The following PTPRN2 variants were observed in gnomAD, a reference collection of about 807,000 sequenced individuals.
PTPRN2 encodes the protein protein tyrosine phosphatase receptor type N2.
PTPRN2 carries 74 observed loss-of-function variants against 118.8 expected under a neutral mutation model. That is an observed-to-expected ratio of 0.62 (90% CI 0.52 to 0.76). The LOEUF (loss-of-function observed/expected upper bound fraction) is 0.76, where lower values mean the gene tolerates loss of function less well. Among genes scored for constraint, PTPRN2 ranks in the 30% least tolerant of loss-of-function variants. The probability of loss-of-function intolerance (pLI) is 0.00; values close to 1 mark genes in which losing one functional copy is unlikely to be tolerated. For synonymous variants in PTPRN2, 641 were observed against 608.0 expected (o/e 1.05, Z -0.80); for missense variants, 1,481 against 1,394.4 (o/e 1.06, Z -0.99).
chr7:158,325,613 T>C (rs1392505659), intron 2 of PTPRN2, among the ~76,000 whole-genome samples: 3 of 152,194 alleles, frequency 2.0e-5, no homozygotes, highest in Non-Finnish European at 4.4e-5. Context: ...GTTCTTGAAT[T>C]GTGAGCAAGA....
intron 21 of PTPRN2, among the ~76,000 whole-genome samples, chr7:157,554,734 T>G (rs1798795740): frequency 6.6e-6 from 1 of 152,062 alleles, no homozygotes; most frequent in South Asian, 2.1e-4. Context: ...AAAATCCAGA[T>G]GGAAGGAAAG....
intron 12 of PTPRN2, among the ~76,000 whole-genome samples, chr7:157,748,121 G>A (rs1444782001): frequency 1.3e-5 from 2 of 148,828 alleles, no homozygotes; most frequent in South Asian, 2.2e-4. Flanking sequence ...TCCCTGAGCT[G>A]TCTGGTGTCT....
At chr7:157,682,331 C>T (rs552520068) in intron 13 of PTPRN2, among the ~76,000 whole-genome samples, 134 of 152,272 alleles carry the variant, frequency 8.8e-4, no homozygotes, top group African/African-American at 3.0e-3. Context: ...CAGAAGACCC[C>T]GAGGAAGCCG....
chr7:158,121,247 C>T (rs926502081), intron 9 of PTPRN2, among the ~76,000 whole-genome samples: 4 of 152,150 alleles, frequency 2.6e-5, no homozygotes, highest in African/African-American at 7.2e-5. Flanking sequence ...AGGGCAGGTG[C>T]AGAAGGGCAG....
At chr7:157,636,740 C>T (rs1190685974) in intron 14 of PTPRN2, among the ~76,000 whole-genome samples, 1 of 152,164 alleles carries the variant, frequency 6.6e-6, no homozygotes, top group Non-Finnish European at 1.5e-5. Flanking sequence ...GGAGAAATGG[C>T]GTGGAAGATG....
chr7:158,383,829 C>T (rs1019849490), intron 2 of PTPRN2, among the ~76,000 whole-genome samples: 3 of 152,184 alleles, frequency 2.0e-5, no homozygotes, highest in Admixed American at 1.3e-4. Context: ...CAACTACGGC[C>T]AGTTTGTGAT....
chr7:157,876,327 C>T lies in PTPRN2; in HGVS notation c.1788+22346G>A, dbSNP rs150422725. Among the ~76,000 whole-genome samples, 643 of 152,268 alleles carry T rather than the reference C, an allele frequency of 4.2e-3. 10 individuals carry two copies. The highest frequency in any genetic ancestry group is 0.013 in the African/African-American group (551 of 41,546). ...ATCCTGGGGGCCACTCTTCTGGAAG[C>T]GAATTCCCAGCATGGAGAAGCCTGA... On this transcript the variant is annotated intron_variant, in intron 12 of 22. Coordinates refer to ENST00000389418, the MANE Select transcript of PTPRN2 (RefSeq NM_002847.5).
At chr7:158,429,276 G>A (rs1226499932) in intron 2 of PTPRN2, among the ~76,000 whole-genome samples, 2 of 152,188 alleles carry the variant, frequency 1.3e-5, no homozygotes, top group Non-Finnish European at 2.9e-5. Context: ...CACATCTCCA[G>A]GGAAGAACAC....
At chr7:157,828,874 A>T (rs1585570578) in intron 12 of PTPRN2, among the ~76,000 whole-genome samples, 2 of 152,142 alleles carry the variant, frequency 1.3e-5, no homozygotes, top group Non-Finnish European at 2.9e-5. Flanking sequence ...TATAAAAGTG[A>T]CCTCCAAGGG....
intron 12 of PTPRN2, among the ~76,000 whole-genome samples, chr7:157,769,352 C>T (rs1393166541): frequency 1.3e-5 from 2 of 152,188 alleles, no homozygotes; most frequent in Non-Finnish European, 2.9e-5. Flanking sequence ...GCAACCAGCT[C>T]GCCCTGCTGG....
At chr7:157,725,673 AGC>A (rs1799539380) in intron 12 of PTPRN2, among the ~76,000 whole-genome samples, 1 of 104,970 alleles carries the variant, frequency 9.5e-6, no homozygotes, top group African/African-American at 4.4e-5. Flanking sequence ...CAGAGGAGTG[AGC>A]CAGACCCTCG....
chr7:157,540,874 C>T lies in PTPRN2; in HGVS notation c.2977-89G>A, dbSNP rs769034829. 32 of 1,089,868 alleles carry T rather than the reference C, an allele frequency of 2.9e-5. No homozygotes were observed. The African/African-American group carries it at 3.0e-4, about 10-fold the overall frequency. The allele number at this position is 1,089,868 out of a possible 1,614,324, so 67.5% of individuals were successfully genotyped here. On this transcript the variant is annotated intron_variant, in intron 22 of 22. Transcript: ENST00000389418. ...GTCGGCTCCCTGCAGATGAAAGCGG[C>T]GTCCCCCCTTCCCAACGCAGCATCA...
chr7:158,173,108 C>T (rs1563558138), intron 5 of PTPRN2, among the ~76,000 whole-genome samples: 1 of 151,600 alleles, frequency 6.6e-6, no homozygotes, highest in Non-Finnish European at 1.5e-5. Context: ...CCCATCACCA[C>T]CAACACCACC....
At chr7:158,331,224 G>A (rs1380331224) in intron 2 of PTPRN2, among the ~76,000 whole-genome samples, 14 of 150,008 alleles carry the variant, frequency 9.3e-5, no homozygotes, top group African/African-American at 3.5e-4. Context: ...CACCATAAGA[G>A]CTGACGCCCG....
rs138437081 is a variant in PTPRN2 at position 158,443,926 on chromosome 7, G to A, written c.163+45809C>T. Among the ~76,000 whole-genome samples, 113 of 152,314 alleles carry A rather than the reference G, an allele frequency of 7.4e-4. 1 individual carries two copies. Among genetic ancestry groups the A allele is most frequent in the Admixed American group, 5.2e-3 (80 of 15,302 alleles). ...TGGCACCCTACCCCGAGTCCTGGGTGTCTGGGCTCACACCCATCTCTGGCC... is the reference window on the plus strand; with the variant it reads ...TGGCACCCTACCCCGAGTCCTGGGTATCTGGGCTCACACCCATCTCTGGCC... On this transcript the variant is annotated intron_variant, in intron 2 of 22. Coordinates refer to ENST00000389418, the MANE Select transcript of PTPRN2 (RefSeq NM_002847.5).
At chr7:157,949,224 A>G (rs1340549941) in intron 11 of PTPRN2, among the ~76,000 whole-genome samples, 1 of 152,228 alleles carries the variant, frequency 6.6e-6, no homozygotes, top group Non-Finnish European at 1.5e-5. Context: ...GTTGAAAGTA[A>G]AATGATGCAT....
chr7:158,333,306 C>A (rs372955493), intron 2 of PTPRN2, among the ~76,000 whole-genome samples: 1 of 112,130 alleles, frequency 8.9e-6, no homozygotes, highest in African/African-American at 3.3e-5. Context: ...GTGACATCTG[C>A]AGACGTCACT....
intron 6 of PTPRN2, among the ~76,000 whole-genome samples, chr7:158,151,390 G>A (rs796836642): frequency 2.2e-4 from 21 of 94,982 alleles, no homozygotes; most frequent in African/African-American, 3.8e-4. Context: ...CACACCGCCC[G>A]CCTTTCTATT....
intron 15 of PTPRN2, among the ~76,000 whole-genome samples, chr7:157,614,741 C>T (rs1802646131): frequency 6.6e-6 from 1 of 152,218 alleles, no homozygotes; most frequent in African/African-American, 2.4e-5. Flanking sequence ...TGAGGGGGGG[C>T]CTAGTGCAGT....
Sources: allele counts gnomAD v4.1 joint callset (sites outside exome capture counted in the v4.1 genomes callset), GRCh38; gene constraint gnomAD v4.1.1; transcripts MANE v1.5; gene names NCBI Gene and HGNC (gene_info 2026-07-23, HGNC 2026-07-21).